Variants in CUX1 observed in about 807,000 individuals in gnomAD.
The protein encoded by CUX1 is protein CASP.
Under a neutral mutation model 158.8 loss-of-function variants are expected in CUX1, and 31 were observed. The observed-to-expected ratio is 0.20, with a 90% confidence interval of 0.15 to 0.26. The LOEUF (loss-of-function observed/expected upper bound fraction) is 0.26, where lower values mean the gene tolerates loss of function less well. CUX1 is among the 10% of genes least tolerant of loss of function. CUX1 has a pLI of 1.00. For missense variants in CUX1, 1,589 were observed against 2,014.6 expected, an observed-to-expected ratio of 0.79 and a Z score of 4.04; for synonymous variants, 879 against 862.1, an observed-to-expected ratio of 1.02 and a Z score of -0.34.
chr7:101,878,714 C>T (rs1167925700), intron 1 of CUX1, among the ~76,000 whole-genome samples: 4 of 151,998 alleles, frequency 2.6e-5, no homozygotes, highest in Admixed American at 6.5e-5. Context: ...TCACTGTCGC[C>T]GAGGCTGAAG....
At chr7:101,900,876 G>C (rs1006146224) in intron 1 of CUX1, among the ~76,000 whole-genome samples, 1 of 152,170 alleles carries the variant, frequency 6.6e-6, no homozygotes, top group Non-Finnish European at 1.5e-5. Flanking sequence ...CCGAACCCCA[G>C]AGCATATGGG....
intron 2 of CUX1, among the ~76,000 whole-genome samples, chr7:101,999,474 C>T (rs766035149): frequency 4.6e-5 from 7 of 152,178 alleles, no homozygotes; most frequent in Non-Finnish European, 8.8e-5. Context: ...AGTCTCAGTT[C>T]TCTGGCAAAT....
chr7:102,055,976 C>T (rs189065255), intron 3 of CUX1, among the ~76,000 whole-genome samples: 131 of 152,314 alleles, frequency 8.6e-4, no homozygotes, highest in African/African-American at 3.0e-3. Flanking sequence ...ACAACATTCT[C>T]TTAAGCCAAA....
chr7:102,282,882 T>A, intron 22 of CUX1: 1 of 771,086 alleles, frequency 1.3e-6, no homozygotes, highest in African/African-American at 2.2e-5. Context: ...TAGCCCTCCA[T>A]CACAGCCCCC....
At chr7:102,191,789 C>T (rs1201260320) in intron 12 of CUX1, among the ~76,000 whole-genome samples, 2 of 151,748 alleles carry the variant, frequency 1.3e-5, no homozygotes, top group African/African-American at 2.4e-5. Flanking sequence ...TCTTCTTCCT[C>T]TTGCTCCTCC....
intron 18 of CUX1, among the ~76,000 whole-genome samples, chr7:102,203,568 A>G (rs1554520327): frequency 6.6e-6 from 1 of 152,234 alleles, no homozygotes; most frequent in African/African-American, 2.4e-5. Context: ...ATTTGAGAAC[A>G]TTGAAATAGA....
intron 1 of CUX1, among the ~76,000 whole-genome samples, chr7:101,900,257 GAGCTGTCATGT>G (rs1231238729): frequency 1.3e-5 from 2 of 152,184 alleles, no homozygotes; most frequent in Non-Finnish European, 2.9e-5. Flanking sequence ...TTGGCACCAG[GAGCTGTCATGT>G]AGTGTAACCT....
intron 3 of CUX1, among the ~76,000 whole-genome samples, chr7:102,028,715 G>A (rs975307226): frequency 6.6e-6 from 1 of 152,222 alleles, no homozygotes; most frequent in African/African-American, 2.4e-5. Flanking sequence ...CAAGTCACCT[G>A]GGACATCCGC....
At chr7:101,881,297 G>T (rs1257945703) in intron 1 of CUX1, among the ~76,000 whole-genome samples, 1 of 152,202 alleles carries the variant, frequency 6.6e-6, no homozygotes, top group East Asian at 1.9e-4. Context: ...GATGAATGTT[G>T]TCAAGAAAAC....
chr7:102,251,222 A>G lies in CUX1; in HGVS notation c.*2180A>G. 4.2e-6 allele frequency: 4 copies of G among 957,770 alleles called. No individual in the cohort carries two copies. The highest frequency in any genetic ancestry group is 4.9e-6 in the Non-Finnish European group (4 of 811,248). The allele number at this position is 957,770 out of a possible 1,614,324, so 59.3% of individuals were successfully genotyped here. On this transcript the variant is annotated 3_prime_UTR_variant, in exon 24 of 24. Coordinates refer to ENST00000292535, the MANE Select transcript of CUX1 (RefSeq NM_181552.4). Reference sequence around the variant, plus strand: ...GTGCATTCATTATTTCTTAAGTTTAATTAATATTACTTTTTTTTTTATTTG... The same window carrying G: ...GTGCATTCATTATTTCTTAAGTTTAGTTAATATTACTTTTTTTTTTATTTG...
rs1201890831 is a variant in CUX1, at chr7:102,081,576, A to G, written c.268+11159A>G. Among the ~76,000 whole-genome samples the G allele has an allele frequency of 5.4e-5, 8 of 147,166 alleles. 1 individual carries two copies. The South Asian group carries it at 6.6e-4, about 12-fold the overall frequency. The stretch of plus-strand genomic sequence containing the variant: ...ACTGTTTCCTGAGGCCTCCCCAGCC[A>G]TGTGGAACTGTGATTCCATTAAACC... On this transcript the variant is annotated intron_variant, in intron 4 of 23. Coordinates refer to ENST00000292535, the MANE Select transcript of CUX1 (RefSeq NM_181552.4).
chr7:102,168,938 C>CTTTTTTTTTTT (rs782482609), intron 9 of CUX1, among the ~76,000 whole-genome samples: 2 of 52,684 alleles, frequency 3.8e-5, no homozygotes, highest in Non-Finnish European at 3.7e-5. Context: ...CTTTTATTTT[C>CTTTTTTTTTTT]TTTTTTTTTT....
intron 20 of CUX1, among the ~76,000 whole-genome samples, chr7:102,212,407 C>G (rs1554523401): frequency 6.6e-6 from 1 of 152,208 alleles, no homozygotes; most frequent in Non-Finnish European, 1.5e-5. Flanking sequence ...GGGAAGGCTG[C>G]TTTGCCAGAA....
intron 9 of CUX1, 32 bp from the exon 10 acceptor site, chr7:102,170,414 C>A: frequency 6.9e-7 from 1 of 1,443,892 alleles, no homozygotes; most frequent in Non-Finnish European, 9.5e-7. Flanking sequence ...ACTGAATGTA[C>A]TTTCTCTTTC....
chr7:101,879,011 G>A (rs995774782), intron 1 of CUX1, among the ~76,000 whole-genome samples: 2 of 152,098 alleles, frequency 1.3e-5, no homozygotes, highest in South Asian at 2.1e-4. Flanking sequence ...TATTTTTTTC[G>A]AGAATTCTGT....
At chr7:101,817,138 GGGA>G (rs1200021020), upstream of CUX1, 25 of 984,416 alleles carry the variant, frequency 2.5e-5, no homozygotes, top group African/African-American at 4.2e-4. This position sits in a 1 kb window ranked among gnomAD's most constrained non-coding sequence, Gnocchi z 4.1. Context: ...GTGCGGGCGC[GGGA>G]GGAGGAGGCT....
chr7:102,235,133 G>C (rs868992388), intron 22 of CUX1, among the ~76,000 whole-genome samples: 3 of 152,224 alleles, frequency 2.0e-5, no homozygotes, highest in African/African-American at 7.2e-5. Context: ...GTGGATTCAT[G>C]TTCTTCTTGC....
chr7:101,917,860 G>A (rs1244037062), intron 2 of CUX1, among the ~76,000 whole-genome samples: 2 of 152,158 alleles, frequency 1.3e-5, no homozygotes, highest in Non-Finnish European at 2.9e-5. Flanking sequence ...GTTTGGCTGG[G>A]CGCAGTGGCT....
chr7:102,089,806 A>G (rs1243493937), intron 4 of CUX1, among the ~76,000 whole-genome samples: 2 of 152,046 alleles, frequency 1.3e-5, no homozygotes, highest in East Asian at 1.9e-4. Context: ...CAGCCACCCA[A>G]TCTTGTGATG....
Sources: allele counts gnomAD v4.1 joint callset (sites outside exome capture counted in the v4.1 genomes callset), GRCh38; gene constraint gnomAD v4.1.1; non-coding constraint Gnocchi (gnomAD v3.1); transcripts MANE v1.5; gene names NCBI Gene and HGNC (gene_info 2026-07-23, HGNC 2026-07-21).